The following RUNDC3B variants were observed in gnomAD, a reference collection of about 807,000 sequenced individuals.
The protein encoded by RUNDC3B is RUN domain containing 3B, also known as RUN domain-containing protein 3B.
RUNDC3B carries 33 observed loss-of-function variants against 58.4 expected under a neutral mutation model. That is an observed-to-expected ratio of 0.56 (90% confidence interval 0.43 to 0.75). RUNDC3B has a LOEUF of 0.75. Among genes scored for constraint, RUNDC3B ranks in the 30% least tolerant of loss-of-function variants. The probability of loss-of-function intolerance (pLI) is 0.00; values close to 1 mark genes in which losing one functional copy is unlikely to be tolerated. For missense variants in RUNDC3B, 501 were observed against 535.7 expected (o/e 0.94, Z 0.64); for synonymous variants, 193 against 195.2 (o/e 0.99, Z 0.10).
intron 8 of RUNDC3B, among the ~76,000 whole-genome samples, chr7:87,799,575 C>A (rs879239532): frequency 6.6e-6 from 1 of 152,052 alleles, no homozygotes; most frequent in Admixed American, 6.6e-5. Flanking sequence ...TACTCACAAC[C>A]AATACTGGAG....
intron 3 of RUNDC3B, among the ~76,000 whole-genome samples, chr7:87,707,835 T>C (rs1829745700): frequency 6.6e-6 from 1 of 152,184 alleles, no homozygotes; most frequent in African/African-American, 2.4e-5. Context: ...GTATGTTCTC[T>C]AACCACAGTG....
At chr7:87,786,544 A>G (rs1239899354) in intron 8 of RUNDC3B, among the ~76,000 whole-genome samples, 2 of 152,008 alleles carry the variant, frequency 1.3e-5, no homozygotes, top group African/African-American at 4.8e-5. Context: ...GCCAAACAGT[A>G]GAGATTTCTG....
chr7:87,803,627 T>A (rs1369285938), intron 8 of RUNDC3B, among the ~76,000 whole-genome samples: 1 of 152,178 alleles, frequency 6.6e-6, no homozygotes, highest in Non-Finnish European at 1.5e-5. Flanking sequence ...ATACTCCCTC[T>A]TCTATGAGGA....
At chr7:87,790,828 A>T (rs1835487118) in intron 8 of RUNDC3B, among the ~76,000 whole-genome samples, 1 of 152,108 alleles carries the variant, frequency 6.6e-6, no homozygotes, top group Non-Finnish European at 1.5e-5. Flanking sequence ...AATAAAGCAC[A>T]CCTGCAAGAT....
chr7:87,756,472 A>G (rs1333650870), intron 6 of RUNDC3B, among the ~76,000 whole-genome samples: 2 of 152,024 alleles, frequency 1.3e-5, no homozygotes, highest in African/African-American at 4.8e-5. Context: ...ATATAGCAAA[A>G]TATTTATAAT....
chr7:87,828,592 G>C lies in RUNDC3B; in HGVS notation c.1226-1293G>C, dbSNP rs532778292. ...TGGCTGCATAGTAGTCCATGGTGTAGATGTACCACATTTTCTTTATCCAGT... is the reference window on the plus strand; with the variant it reads ...TGGCTGCATAGTAGTCCATGGTGTACATGTACCACATTTTCTTTATCCAGT... On this transcript the variant is annotated intron_variant, in intron 10 of 10. Coordinates refer to ENST00000394654, the MANE Select transcript of RUNDC3B (RefSeq NM_001134405.2). Among the ~76,000 whole-genome samples, 14 of 152,270 alleles carry C rather than the reference G, an allele frequency of 9.2e-5. No individual in the cohort carries two copies. The East Asian group carries it at 2.5e-3, about 27-fold the overall frequency.
chr7:87,661,705 A>G (rs1354633206), intron 2 of RUNDC3B, among the ~76,000 whole-genome samples: 2 of 152,074 alleles, frequency 1.3e-5, no homozygotes, highest in Admixed American at 6.6e-5. Context: ...TAGTGCTGCA[A>G]TAAACATTGG....
intron 8 of RUNDC3B, among the ~76,000 whole-genome samples, chr7:87,790,117 C>T (rs1389759120): frequency 9.2e-5 from 14 of 152,168 alleles, no homozygotes. Flanking sequence ...AGTGCAGTCC[C>T]AGTGATGGTG....
At chr7:87,654,724 G>A (rs1224843769) in intron 2 of RUNDC3B, among the ~76,000 whole-genome samples, 1 of 152,002 alleles carries the variant, frequency 6.6e-6, no homozygotes, top group Non-Finnish European at 1.5e-5. Flanking sequence ...AAATAAACAA[G>A]TGGAATTACA....
intron 8 of RUNDC3B, among the ~76,000 whole-genome samples, chr7:87,799,792 C>G (rs1473026769): frequency 6.8e-6 from 1 of 147,938 alleles, no homozygotes; most frequent in Non-Finnish European, 1.5e-5. Context: ...GAGGCTGAGG[C>G]AAGAGATCAC....
At position 87,795,703 on chromosome 7, in the gene RUNDC3B, C is replaced by T. The variant is rs186763603; in HGVS notation, c.957-11670C>T. Among the ~76,000 whole-genome samples, 234 of 151,044 alleles carry T rather than the reference C, an allele frequency of 1.5e-3. 1 individual carries two copies. The highest frequency in any genetic ancestry group is 5.4e-3 in the African/African-American group (223 of 41,084). ...GACCAGCCTGGCCAACACGGGGAAA[C>T]CCCGTCTCTACTAAAAATACAAAAA... On this transcript the variant is annotated intron_variant, in intron 8 of 10. Coordinates refer to ENST00000394654, the MANE Select transcript of RUNDC3B (RefSeq NM_001134405.2).
At chr7:87,666,269 T>C (rs1825237849) in intron 2 of RUNDC3B, among the ~76,000 whole-genome samples, 2 of 152,324 alleles carry the variant, frequency 1.3e-5, no homozygotes, top group East Asian at 3.9e-4. Flanking sequence ...CATATGCTTG[T>C]GGGCCGTGTG....
intron 8 of RUNDC3B, among the ~76,000 whole-genome samples, chr7:87,788,185 G>A (rs1835325467): frequency 2.0e-5 from 3 of 152,322 alleles, no homozygotes; most frequent in South Asian, 4.1e-4. Context: ...AGCTTTGAGA[G>A]GCCAAGGCGA....
chr7:87,748,734 C>T (rs1207312864), intron 6 of RUNDC3B, among the ~76,000 whole-genome samples: 1 of 152,006 alleles, frequency 6.6e-6, no homozygotes, highest in East Asian at 1.9e-4. Context: ...ACACAGTCCC[C>T]ATTCTCAAGA....
chr7:87,715,220 T>A (rs1830449675), intron 4 of RUNDC3B, among the ~76,000 whole-genome samples: 1 of 137,744 alleles, frequency 7.3e-6, no homozygotes, highest in Non-Finnish European at 1.5e-5. Flanking sequence ...TATATAATAT[T>A]TAATATATAA....
Position 87,829,885 on chromosome 7 carries a change from G to T in RUNDC3B, c.1226G>T (p.Gly409Val). 6.3e-7 allele frequency: 1 copy of T among 1,592,176 alleles called. No individual in the cohort carries two copies. Among genetic ancestry groups the T allele is most frequent in the African/African-American group, 1.4e-5 (1 of 73,852 alleles). Residue 409 changes from glycine (G) to valine (V), a missense_variant and splice_region_variant, in exon 11 of 11, where the codon GGT becomes GTT. Transcript: ENST00000394654. ...TTTGCTATTTAATTCTAATTTTCAG[G>T]TAAGGAAGATACTCCCTCATTACTT... The part of the protein sequence containing the change: ...KQDTLNVMSE[G>V]KEDTPSLLGL...
intron 8 of RUNDC3B, among the ~76,000 whole-genome samples, chr7:87,788,397 T>G (rs1235130698): frequency 6.6e-6 from 1 of 152,078 alleles, no homozygotes; most frequent in Non-Finnish European, 1.5e-5. Context: ...AGAAAAAGAT[T>G]TTGGTGGTTA....
At chr7:87,811,339 A>ATT (rs199840492) in intron 9 of RUNDC3B, among the ~76,000 whole-genome samples, 36 of 144,030 alleles carry the variant, frequency 2.5e-4, no homozygotes, top group East Asian at 8.1e-4. Context: ...TAGGCTTTTA[A>ATT]TTTTTTTTTT....
At chr7:87,635,771 G>T (rs1304988458) in intron 1 of RUNDC3B, among the ~76,000 whole-genome samples, 3 of 152,142 alleles carry the variant, frequency 2.0e-5, no homozygotes, top group African/African-American at 7.2e-5. Context: ...TTGCTTTCTT[G>T]TAGTTAATAC....
Sources: allele counts gnomAD v4.1 joint callset (sites outside exome capture counted in the v4.1 genomes callset), GRCh38; gene constraint gnomAD v4.1.1; transcripts MANE v1.5; gene names NCBI Gene and HGNC (gene_info 2026-07-23, HGNC 2026-07-21).